Variants in CREBRF observed in about 807,000 individuals in gnomAD.
The protein encoded by CREBRF is UPF0474 protein C5orf41.
In CREBRF, 5 loss-of-function variants were observed where a neutral mutation model predicts 66.1. That is an observed-to-expected ratio of 0.08 (90% confidence interval 0.04 to 0.16). The LOEUF (loss-of-function observed/expected upper bound fraction) is 0.16. Ranked by LOEUF, CREBRF falls within the 10% of genes least tolerant of loss-of-function variation. The pLI is 1.00. For missense variants in CREBRF, 531 were observed against 744.9 expected, an observed-to-expected ratio of 0.71 and a Z score of 3.34; for synonymous variants, 229 against 264.4, an observed-to-expected ratio of 0.87 and a Z score of 1.30.
chr5:173,086,977 G>A (rs926890237), intron 3 of CREBRF, among the ~76,000 whole-genome samples: 13 of 146,300 alleles, frequency 8.9e-5, no homozygotes, highest in African/African-American at 3.0e-4. Context: ...GACAGAGTCT[G>A]GCTCTGTTGC....
At chr5:173,075,751 C>G (rs1055835927) in intron 1 of CREBRF, among the ~76,000 whole-genome samples, 2 of 151,954 alleles carry the variant, frequency 1.3e-5, no homozygotes, top group African/African-American at 4.8e-5. Flanking sequence ...TCCTCACTTC[C>G]CTTCCTTTCC....
In CREBRF at chr5:173,079,659, C is replaced by T. The variant is rs1376209178; in HGVS notation, c.-191-926C>T. On this transcript the variant is annotated intron_variant, in intron 1 of 8. Transcript: ENST00000296953. The stretch of plus-strand genomic sequence containing the variant: ...CAAACTTTAGAGAGGACCACAATCA[C>T]CTGGAGGGCGTATTAAAAAACATTG... Among the ~76,000 whole-genome samples, 5 of 152,016 alleles carry T rather than the reference C, an allele frequency of 3.3e-5. 1 individual carries two copies. Among genetic ancestry groups the T allele is most frequent in the Admixed American group, 2.6e-4 (4 of 15,236 alleles).
chr5:173,127,591 C>CT (rs1759306878), intron 8 of CREBRF, among the ~76,000 whole-genome samples: 1 of 151,780 alleles, frequency 6.6e-6, no homozygotes, highest in South Asian at 2.1e-4. Flanking sequence ...TCCCAAGTAG[C>CT]TGGGACTACA....
intron 7 of CREBRF, among the ~76,000 whole-genome samples, chr5:173,117,932 G>A (rs1243700493): frequency 1.3e-5 from 2 of 149,854 alleles, no homozygotes; most frequent in African/African-American, 4.9e-5. Context: ...GGAGTGCAGT[G>A]GCGCAATCTT....
chr5:173,095,800 T>A (rs552671341), intron 4 of CREBRF, among the ~76,000 whole-genome samples: 1 of 151,880 alleles, frequency 6.6e-6, no homozygotes, highest in African/African-American at 2.4e-5. Context: ...CTTGGTTAAA[T>A]TTTTTTCTAA....
chr5:173,111,433 AT>A lies in CREBRF; in HGVS notation c.1607+727del, dbSNP rs565301010. The stretch of plus-strand genomic sequence containing the variant: ...AGATGTGACCCACCATGCCCAGCTA[AT>A]TTTTGTATTTTTTGTAGAGATGGGG... On this transcript the variant is annotated intron_variant, in intron 6 of 8. Transcript: ENST00000296953. Among the ~76,000 whole-genome samples the A allele has an allele frequency of 6.1e-3, 922 of 152,212 alleles. 9 individuals are homozygous for A. The highest frequency in any genetic ancestry group is 0.02 in the African/African-American group (843 of 41,542).
chr5:173,118,996 G>A (rs921002248), intron 7 of CREBRF, among the ~76,000 whole-genome samples: 7 of 151,974 alleles, frequency 4.6e-5, no homozygotes, highest in African/African-American at 1.7e-4. Flanking sequence ...AAAGAGCTGG[G>A]ATTACAGGCA....
chr5:173,116,205 T>C (rs1354221858), intron 7 of CREBRF, among the ~76,000 whole-genome samples: 1 of 152,216 alleles, frequency 6.6e-6, no homozygotes, highest in Non-Finnish European at 1.5e-5. Context: ...TCCTGTGTGC[T>C]GAAATAAAAA....
intron 1 of CREBRF, among the ~76,000 whole-genome samples, chr5:173,062,583 G>A: frequency 6.6e-6 from 1 of 151,392 alleles, no homozygotes; most frequent in East Asian, 1.9e-4. Context: ...AGTTAGACTT[G>A]TTGAATATTC....
rs1758115493 is a variant in CREBRF at position 173,085,410 on chromosome 5, ATTCT to A, written c.10-1088_10-1085del. 24 of 949,868 alleles carry A rather than the reference ATTCT, an allele frequency of 2.5e-5. No homozygotes were observed. In the East Asian group the frequency reaches 5.4e-4, roughly 21 times the overall value. 58.8% of individuals were successfully genotyped at this position (949,868 alleles called of 1,614,324 possible). A position where few individuals can be genotyped will look rare whatever the true frequency, so the allele number is the denominator to read the frequency against. On this transcript the variant is annotated intron_variant, in intron 2 of 8. Transcript: ENST00000296953. ...CAGCCAATATTGTATCGTCAAATAC[ATTCT>A]TTTTTTTTTTTTCTTTTTGGAGACG...
chr5:173,096,147 T>A (rs528638065), intron 4 of CREBRF, among the ~76,000 whole-genome samples: 1 of 152,098 alleles, frequency 6.6e-6, no homozygotes, highest in Non-Finnish European at 1.5e-5. Flanking sequence ...TTTTTTGTAT[T>A]TTTAGTAGAG....
chr5:173,121,764 A>C (rs937606287), intron 7 of CREBRF, among the ~76,000 whole-genome samples: 4 of 152,360 alleles, frequency 2.6e-5, no homozygotes, highest in Admixed American at 2.6e-4. Flanking sequence ...AGCAGGCACT[A>C]TCAGGTCTTA....
intron 1 of CREBRF, among the ~76,000 whole-genome samples, chr5:173,060,644 C>T (rs1238509738): frequency 2.0e-5 from 3 of 151,458 alleles, no homozygotes; most frequent in South Asian, 2.1e-4. Flanking sequence ...TAGCTCATTT[C>T]GGGATAGGTA....
intron 2 of CREBRF, chr5:173,085,413 C>CT (rs371399043): frequency 0.091 from 63,111 of 691,420 alleles, 22 homozygotes; most frequent in South Asian, 0.12. Context: ...CAAATACATT[C>CT]TTTTTTTTTT....
chr5:173,113,547 ATC>A (rs1758916974), intron 7 of CREBRF, among the ~76,000 whole-genome samples: 1 of 152,066 alleles, frequency 6.6e-6, no homozygotes, highest in Non-Finnish European at 1.5e-5. Flanking sequence ...ACCTCAGGTG[ATC>A]CACCTGCCTA....
rs555131460 is a variant in CREBRF, at chr5:173,081,035, T to C, written c.9+251T>C. On this transcript the variant is annotated intron_variant, in intron 2 of 8. Transcript: ENST00000296953. Reference sequence around the variant, plus strand: ...ATAGGTAGAAGGTGGACAGATCTGCTGGCTTTATGGGGCAAAACCAACTCC... The same window carrying C: ...ATAGGTAGAAGGTGGACAGATCTGCCGGCTTTATGGGGCAAAACCAACTCC... Among the ~76,000 whole-genome samples the C allele has an allele frequency of 6.6e-5, 10 of 152,344 alleles. No individual in the cohort carries two copies. The East Asian group carries it at 1.9e-3, about 29-fold the overall frequency.
intron 8 of CREBRF, among the ~76,000 whole-genome samples, chr5:173,133,422 G>A (rs1367615412): frequency 6.6e-6 from 1 of 152,144 alleles, no homozygotes; most frequent in Non-Finnish European, 1.5e-5. Context: ...GGCTATCCTT[G>A]GTTTGACTTT....
rs869148787 is a variant in CREBRF, at chr5:173,082,003, GTTTTTTTTTTTTT to G, written c.9+1235_9+1247del. ...AGAGTGGTTGCCCATTCAAGGTTTAGTTTTTTTTTTTTTTTTTTTTTTTTTTTTGAGCTGGAGT... is the reference window on the plus strand; with the variant it reads ...AGAGTGGTTGCCCATTCAAGGTTTAGTTTTTTTTTTTTTTTGAGCTGGAGT... On this transcript the variant is annotated intron_variant, in intron 2 of 8. Transcript: ENST00000296953. 9.0e-5 allele frequency among the ~76,000 whole-genome samples: 7 copies of G among 78,076 alleles called. No homozygotes were observed. The South Asian group carries it at 2.6e-3, about 28-fold the overall frequency. The allele number at this position is 78,076 out of a possible 152,430, so 51.2% of individuals were successfully genotyped here.
chr5:173,132,769 T>A lies in CREBRF; in HGVS notation c.1805-861T>A, dbSNP rs553512186. Among the ~76,000 whole-genome samples, 223 of 149,136 alleles carry A rather than the reference T, an allele frequency of 1.5e-3. 1 individual carries two copies. The highest frequency in any genetic ancestry group is 2.3e-3 in the Non-Finnish European group (156 of 67,386). ...CATGTGCCACCACACCTGGGTAATTTTGTGTTTTCAGTAGAGACAGGGTTT... is the reference window on the plus strand; with the variant it reads ...CATGTGCCACCACACCTGGGTAATTATGTGTTTTCAGTAGAGACAGGGTTT... On this transcript the variant is annotated intron_variant, in intron 8 of 8. Transcript: ENST00000296953.
Sources: gnomAD v4.1 joint callset for allele counts (sites outside exome capture counted in the v4.1 genomes callset) on GRCh38, gnomAD v4.1.1 for gene constraint, MANE v1.5 for transcripts, NCBI Gene and HGNC (gene_info 2026-07-23, HGNC 2026-07-21) for gene names.